KIAA1549L: variants seen among roughly 807,000 people sequenced by gnomAD.
The protein encoded by KIAA1549L is UPF0606 protein KIAA1549L.
KIAA1549L carries 88 observed loss-of-function variants against 160.7 expected under a neutral mutation model. The ratio of observed to expected loss-of-function variants is 0.55; its 90% CI spans 0.46 to 0.65. KIAA1549L has a LOEUF of 0.65. Ranked by LOEUF, KIAA1549L falls within the 30% of genes least tolerant of loss-of-function variation. The probability of loss-of-function intolerance (pLI) is 0.00; values close to 1 mark genes in which losing one functional copy is unlikely to be tolerated. For missense variants in KIAA1549L, 2,258 were observed against 2,437.5 expected, an observed-to-expected ratio of 0.93 and a Z score of 1.55; for synonymous variants, 950 against 976.7, an observed-to-expected ratio of 0.97 and a Z score of 0.51.
chr11:33,634,289 C>T (rs1288247756), intron 16 of KIAA1549L, among the ~76,000 whole-genome samples: 5 of 152,126 alleles, frequency 3.3e-5, no homozygotes, highest in African/African-American at 1.2e-4. Context: ...GTGATCCACC[C>T]ACCTCGGCCT....
chr11:33,508,458 C>A (rs1177482594), intron 1 of KIAA1549L, among the ~76,000 whole-genome samples: 1 of 152,146 alleles, frequency 6.6e-6, no homozygotes, highest in African/African-American at 2.4e-5. Context: ...CTTCTTTGCT[C>A]TTTACAGGCA....
intron 1 of KIAA1549L, among the ~76,000 whole-genome samples, chr11:33,428,085 C>G (rs560221564): frequency 2.0e-5 from 3 of 152,268 alleles, no homozygotes; most frequent in Non-Finnish European, 2.9e-5. Flanking sequence ...TATGAATGTA[C>G]AAGTTTTTGT....
At chr11:33,527,055 A>T (rs1289702233) in intron 1 of KIAA1549L, among the ~76,000 whole-genome samples, 1 of 152,220 alleles carries the variant, frequency 6.6e-6, no homozygotes, top group Admixed American at 6.5e-5. Flanking sequence ...AGAAGAAAGA[A>T]CTTCAGAGGA....
At chr11:33,629,611 G>A (rs1042235799) in intron 16 of KIAA1549L, among the ~76,000 whole-genome samples, 82 of 151,316 alleles carry the variant, frequency 5.4e-4, no homozygotes, top group Non-Finnish European at 1.1e-3. Context: ...TCTTCACGTA[G>A]TTCTCGAGCC....
At chr11:33,435,798 A>ATATATATATGTG (rs1851354424) in intron 1 of KIAA1549L, among the ~76,000 whole-genome samples, 1 of 7,626 alleles carries the variant, frequency 1.3e-4, no homozygotes, top group Admixed American at 2.1e-3. Flanking sequence ...ATATATATAT[A>ATATATATATGTG]TATATATATA....
At position 33,481,457 on chromosome 11, in the gene KIAA1549L, A is replaced by G. The variant is rs527645891; in HGVS notation, c.239-60345A>G. On this transcript the variant is annotated intron_variant, in intron 1 of 20. Transcript: ENST00000658780. ...AATGCATAAATTGTTGCCTGGTTTAAAAGTTATTTTGTGTCACCAGGACCT... is the reference window on the plus strand; with the variant it reads ...AATGCATAAATTGTTGCCTGGTTTAGAAGTTATTTTGTGTCACCAGGACCT... 2.6e-5 allele frequency among the ~76,000 whole-genome samples: 4 copies of G among 152,342 alleles called. No individual in the cohort carries two copies. In the East Asian group the frequency reaches 7.7e-4, roughly 29 times the overall value.
intron 1 of KIAA1549L, among the ~76,000 whole-genome samples, chr11:33,541,475 G>A (rs973436221): frequency 5.9e-5 from 9 of 152,158 alleles, no homozygotes; most frequent in South Asian, 4.1e-4. Flanking sequence ...ATTGGCCATG[G>A]CAGTTGACCA....
chr11:33,583,575 T>C, intron 11 of KIAA1549L, 74 bp downstream of exon 11: 1 of 1,357,306 alleles, frequency 7.4e-7, no homozygotes. Flanking sequence ...CCTCTTGCCT[T>C]TTGAGGCCAT....
intron 9 of KIAA1549L, 104 bp from the exon 10 acceptor site, chr11:33,574,598 A>G: frequency 3.7e-6 from 4 of 1,085,672 alleles, no homozygotes; most frequent in Non-Finnish European, 5.3e-6. Flanking sequence ...GTCTAGCCAC[A>G]GAAGTCTTCA....
In KIAA1549L at chr11:33,647,309, G is replaced by A. The variant is rs563391640; in HGVS notation, c.5760+1273G>A. ...GAGGATTGCTTGAGCCCAGGAGGCA[G>A]AAGTTGCAGTGAGCCAAGACTGTGA... is the stretch of plus-strand genomic sequence containing the variant. On this transcript the variant is annotated intron_variant, in intron 17 of 20. Coordinates refer to ENST00000658780, the MANE Select transcript of KIAA1549L (RefSeq NM_012194.3). Among the ~76,000 whole-genome samples the A allele has an allele frequency of 4.1e-5, 6 of 147,484 alleles. No individual in the cohort carries two copies. In the South Asian group the frequency reaches 1.3e-3, roughly 31 times the overall value.
At chr11:33,657,875 G>GC (rs1852121368) in intron 18 of KIAA1549L, among the ~76,000 whole-genome samples, 1 of 152,212 alleles carries the variant, frequency 6.6e-6, no homozygotes, top group Admixed American at 6.5e-5. Context: ...CCTTGCCGTG[G>GC]CTGTCATTTG....
At chr11:33,634,621 A>G (rs1418841797) in intron 16 of KIAA1549L, among the ~76,000 whole-genome samples, 2 of 152,190 alleles carry the variant, frequency 1.3e-5, no homozygotes, top group Admixed American at 6.5e-5. Flanking sequence ...GCTGGCACCT[A>G]AGACTTCTGT....
chr11:33,556,415 C>T (rs1854649709), intron 6 of KIAA1549L, among the ~76,000 whole-genome samples: 1 of 152,116 alleles, frequency 6.6e-6, no homozygotes, highest in Admixed American at 6.5e-5. Flanking sequence ...CCCATGTGTC[C>T]ATTAATGAAT....
intron 1 of KIAA1549L, among the ~76,000 whole-genome samples, chr11:33,440,372 C>T (rs377704810): frequency 4.6e-5 from 7 of 151,756 alleles, no homozygotes; most frequent in African/African-American, 7.2e-5. Context: ...CCTCGTGATC[C>T]GCCCGCCTCG....
chr11:33,379,034 G>A (rs1410772091), intron 1 of KIAA1549L, among the ~76,000 whole-genome samples: 1 of 152,156 alleles, frequency 6.6e-6, no homozygotes, highest in South Asian at 2.1e-4. Flanking sequence ...GAGTCGCTGC[G>A]GTTTGGTGTT....
At chr11:33,495,543 TG>T (rs1345839379) in intron 1 of KIAA1549L, among the ~76,000 whole-genome samples, 17 of 152,298 alleles carry the variant, frequency 1.1e-4, no homozygotes, top group African/African-American at 4.1e-4. Context: ...ACATTTGGGT[TG>T]GTTCCAAGTC....
intron 1 of KIAA1549L, among the ~76,000 whole-genome samples, chr11:33,499,711 T>C (rs1852901840): frequency 6.6e-6 from 1 of 152,204 alleles, no homozygotes; most frequent in African/African-American, 2.4e-5. Flanking sequence ...TTTCATCACA[T>C]TGTAATCGTT....
chr11:33,649,026 A>C (rs984192129), intron 17 of KIAA1549L, among the ~76,000 whole-genome samples: 11 of 152,216 alleles, frequency 7.2e-5, no homozygotes, highest in African/African-American at 2.7e-4. Context: ...CAGTGAGGAA[A>C]CTGAAGCTTG....
intron 13 of KIAA1549L, among the ~76,000 whole-genome samples, chr11:33,603,851 A>G (rs1850428209): frequency 6.6e-6 from 1 of 151,290 alleles, no homozygotes; most frequent in African/African-American, 2.4e-5. Flanking sequence ...GCTGGAGCAG[A>G]GCAGATGAGG....
Sources: allele counts gnomAD v4.1 joint callset (sites outside exome capture counted in the v4.1 genomes callset), GRCh38; gene constraint gnomAD v4.1.1; transcripts MANE v1.5; gene names NCBI Gene and HGNC (gene_info 2026-07-23, HGNC 2026-07-21).